TAFA2: variants seen among roughly 807,000 people sequenced by gnomAD.
The protein encoded by TAFA2 is TAFA chemokine like family member 2.
Under a neutral mutation model 18.8 loss-of-function variants are expected in TAFA2, and 7 were observed. The observed-to-expected ratio is 0.37, with a 90% CI of 0.21 to 0.70. The LOEUF is 0.70. Ranked by LOEUF, TAFA2 falls within the 30% of genes least tolerant of loss-of-function variation. The probability of loss-of-function intolerance (pLI) is 0.53; values close to 1 mark genes in which losing one functional copy is unlikely to be tolerated. For missense variants in TAFA2, 122 were observed against 158.1 expected, an observed-to-expected ratio of 0.77 and a Z score of 1.23; for synonymous variants, 60 against 54.2, an observed-to-expected ratio of 1.11 and a Z score of -0.47.
At position 62,120,999 on chromosome 12, in the gene TAFA2, C is replaced by T. The variant is rs372300625; in HGVS notation, c.-2+70260G>A. On this transcript the variant is annotated intron_variant, in intron 1 of 4. Transcript: ENST00000416284. Reference sequence around the variant, plus strand: ...CCTCCCGAATAGGTGGGATTACAGACGCATGCCACCAGGCCCAGCTAATTT... The same window carrying T: ...CCTCCCGAATAGGTGGGATTACAGATGCATGCCACCAGGCCCAGCTAATTT... Among the ~76,000 whole-genome samples, 8 of 152,002 alleles carry T rather than the reference C, an allele frequency of 5.3e-5. No individual in the cohort carries two copies. The East Asian group carries it at 5.8e-4, about 11-fold the overall frequency.
At chr12:61,730,043 G>A (rs550727158) in intron 4 of TAFA2, among the ~76,000 whole-genome samples, 5 of 152,214 alleles carry the variant, frequency 3.3e-5, no homozygotes, top group Admixed American at 2.0e-4. Context: ...ACCAGTATTG[G>A]ATAGTGTCTG....
At position 61,764,594 on chromosome 12, in the gene TAFA2, T is replaced by G. The variant is rs943239041; in HGVS notation, c.107-9570A>C. Among the ~76,000 whole-genome samples, 14 of 152,204 alleles carry G rather than the reference T, an allele frequency of 9.2e-5. 1 individual carries two copies. The highest frequency in any genetic ancestry group is 9.2e-4 in the Admixed American group (14 of 15,270). On this transcript the variant is annotated intron_variant, in intron 2 of 4. Transcript: ENST00000416284. ...TATCTGTAAAATGAAGAAATCAGAC[T>G]AGATTTGGAGTTAATTTAGACTTAG...
chr12:61,975,603 G>A (rs79794919), intron 1 of TAFA2, among the ~76,000 whole-genome samples: 6,275 of 148,850 alleles, frequency 0.042, 445 homozygotes, highest in African/African-American at 0.14. Context: ...TCCATAGCCT[G>A]GCTATTGTGA....
chr12:61,723,426 A>G (rs943238495), intron 4 of TAFA2, among the ~76,000 whole-genome samples: 2 of 152,164 alleles, frequency 1.3e-5, no homozygotes, highest in East Asian at 3.9e-4. Flanking sequence ...GAAAAAGGCG[A>G]TAAGTAATTT....
intron 1 of TAFA2, among the ~76,000 whole-genome samples, chr12:62,127,871 A>G (rs1211536496): frequency 2.0e-5 from 3 of 152,078 alleles, no homozygotes; most frequent in African/African-American, 7.2e-5. Flanking sequence ...TACCAAGTAC[A>G]TAGTAAGTAC....
At chr12:62,049,552 T>C (rs572919887) in intron 1 of TAFA2, among the ~76,000 whole-genome samples, 10 of 152,232 alleles carry the variant, frequency 6.6e-5, no homozygotes, top group Middle Eastern at 3.4e-3. Context: ...AGTTGAATAA[T>C]GAGCAAAGAA....
intron 1 of TAFA2, among the ~76,000 whole-genome samples, chr12:61,938,892 T>A (rs1170160462): frequency 6.6e-6 from 1 of 151,864 alleles, no homozygotes; most frequent in Non-Finnish European, 1.5e-5. Flanking sequence ...CATAATGGAC[T>A]TTGGAGACTC....
chr12:62,158,310 T>C (rs2062384893), intron 1 of TAFA2, among the ~76,000 whole-genome samples: 2 of 152,340 alleles, frequency 1.3e-5, no homozygotes, highest in Middle Eastern at 3.4e-3. Context: ...TAGGTGTATA[T>C]AGTAGGCAGT....
chr12:61,940,338 T>C (rs1877948354), intron 1 of TAFA2, among the ~76,000 whole-genome samples: 4 of 152,182 alleles, frequency 2.6e-5, no homozygotes, highest in Admixed American at 2.0e-4. Context: ...TGGTGGTAGA[T>C]GGTGGTATGG....
intron 1 of TAFA2, among the ~76,000 whole-genome samples, chr12:62,166,519 T>G (rs1327920511): frequency 6.6e-6 from 1 of 152,188 alleles, no homozygotes; most frequent in East Asian, 1.9e-4. Flanking sequence ...CCAGTTTCCC[T>G]TGCTTCAACT....
chr12:62,105,017 G>A (rs1869384793), intron 1 of TAFA2: 1 of 183,758 alleles, frequency 5.4e-6, no homozygotes, highest in South Asian at 9.6e-5. Context: ...ATAATTACAA[G>A]TTTCCTAAAG....
intron 1 of TAFA2, among the ~76,000 whole-genome samples, chr12:62,020,797 A>C (rs1434059504): frequency 6.6e-6 from 1 of 151,556 alleles, no homozygotes; most frequent in Non-Finnish European, 1.5e-5. Context: ...GGCAGATATC[A>C]CAATGGCCAA....
intron 1 of TAFA2, among the ~76,000 whole-genome samples, chr12:62,041,132 T>G (rs543113677): frequency 6.6e-6 from 1 of 152,304 alleles, no homozygotes; most frequent in African/African-American, 2.4e-5. Context: ...AAAACTAATC[T>G]TTATGTGAAA....
intron 2 of TAFA2, among the ~76,000 whole-genome samples, chr12:61,758,515 T>G (rs2120778972): frequency 6.6e-6 from 1 of 151,824 alleles, no homozygotes; most frequent in East Asian, 2.0e-4. Context: ...AGGTACAGAG[T>G]CAGGTAGATG....
intron 2 of TAFA2, among the ~76,000 whole-genome samples, chr12:61,858,140 T>C (rs963303627): frequency 2.0e-5 from 3 of 152,202 alleles, no homozygotes; most frequent in Non-Finnish European, 4.4e-5. Context: ...GACCCTGCAG[T>C]GTGCACAATC....
chr12:61,884,905 CTTCT>C (rs1420483796), intron 1 of TAFA2, among the ~76,000 whole-genome samples: 1 of 152,130 alleles, frequency 6.6e-6, no homozygotes, highest in Non-Finnish European at 1.5e-5. Flanking sequence ...GGAAGCCTGC[CTTCT>C]TTTATGAGTT....
At chr12:62,015,801 A>C (rs1019728486) in intron 1 of TAFA2, among the ~76,000 whole-genome samples, 1 of 152,216 alleles carries the variant, frequency 6.6e-6, no homozygotes, top group African/African-American at 2.4e-5. Flanking sequence ...CTCAATTTAA[A>C]CAAGTAAATC....
intron 1 of TAFA2, among the ~76,000 whole-genome samples, chr12:61,957,719 G>A (rs560749473): frequency 3.3e-5 from 5 of 152,170 alleles, no homozygotes; most frequent in Admixed American, 1.3e-4. Flanking sequence ...CTAAAAGTCC[G>A]TATCTCCTCT....
intron 1 of TAFA2, among the ~76,000 whole-genome samples, chr12:62,047,850 G>T (rs1360382010): frequency 6.6e-6 from 1 of 152,114 alleles, no homozygotes; most frequent in East Asian, 1.9e-4. Context: ...TTAAAAAGGA[G>T]AATATGCATG....
Sources: gnomAD v4.1 joint callset for allele counts (sites outside exome capture counted in the v4.1 genomes callset) on GRCh38, gnomAD v4.1.1 for gene constraint, MANE v1.5 for transcripts, NCBI Gene and HGNC (gene_info 2026-07-23, HGNC 2026-07-21) for gene names.